The following DLGAP2 variants were observed in gnomAD, a reference collection of about 807,000 sequenced individuals.
The protein encoded by DLGAP2 is disks large-associated protein 2.
DLGAP2 carries 26 observed loss-of-function variants against 100.3 expected under a neutral mutation model. The observed-to-expected ratio is 0.26, with a 90% CI of 0.19 to 0.36. DLGAP2 has a LOEUF of 0.36. Among genes scored for constraint, DLGAP2 ranks in the 10% least tolerant of loss-of-function variants. The probability of loss-of-function intolerance (pLI) is 1.00; values close to 1 mark genes in which losing one functional copy is unlikely to be tolerated. For missense variants in DLGAP2, 1,858 were observed against 1,453.2 expected, an observed-to-expected ratio of 1.28 and a Z score of -4.53; for synonymous variants, 886 against 630.1, an observed-to-expected ratio of 1.41 and a Z score of -6.08.
At chr8:790,529 C>T (rs898225497) in intron 1 of DLGAP2, among the ~76,000 whole-genome samples, 3 of 152,082 alleles carry the variant, frequency 2.0e-5, no homozygotes, top group Non-Finnish European at 2.9e-5. Flanking sequence ...GGAGAGAAAC[C>T]TGGAGAAAGG....
chr8:1,193,794 C>T (rs1172415396), intron 2 of DLGAP2, among the ~76,000 whole-genome samples: 1 of 151,988 alleles, frequency 6.6e-6, no homozygotes, highest in Non-Finnish European at 1.5e-5. Flanking sequence ...CCGCACCATG[C>T]CCCCTGCAGC....
At chr8:968,556 C>T (rs779302045) in intron 2 of DLGAP2, among the ~76,000 whole-genome samples, 1 of 152,228 alleles carries the variant, frequency 6.6e-6, no homozygotes, top group South Asian at 2.1e-4. Flanking sequence ...CTGTTCCATA[C>T]TAGCCTCCCC....
At chr8:1,124,628 A>C (rs557167976) in intron 2 of DLGAP2, among the ~76,000 whole-genome samples, 3 of 152,378 alleles carry the variant, frequency 2.0e-5, no homozygotes, top group Admixed American at 1.3e-4. Context: ...AAGAAAGCCA[A>C]GCAGCTGAAA....
intron 3 of DLGAP2, among the ~76,000 whole-genome samples, chr8:1,491,059 T>A (rs55985052): frequency 0.61 from 47,370 of 78,054 alleles, 12,426 homozygotes; most frequent in Middle Eastern, 0.68. Context: ...ATAAAATAAA[T>A]AAAAATAAAC....
At chr8:1,653,486 A>G (rs1198312186) in intron 8 of DLGAP2, among the ~76,000 whole-genome samples, 2 of 152,210 alleles carry the variant, frequency 1.3e-5, no homozygotes, top group Admixed American at 1.3e-4. Flanking sequence ...CAGCTAGCTC[A>G]AACTGATGCT....
rs570555147 is a variant in DLGAP2, at chr8:1,483,605, G to C, written c.107-17761G>C. Among the ~76,000 whole-genome samples the C allele has an allele frequency of 1.7e-3, 225 of 135,946 alleles. 27 individuals are homozygous for C. The highest frequency in any genetic ancestry group is 7.8e-3 in the African/African-American group (214 of 27,610). 89.2% of individuals were successfully genotyped at this position (135,946 alleles called of 152,430 possible). On this transcript the variant is annotated intron_variant, in intron 3 of 14. Coordinates refer to ENST00000637795, the MANE Select transcript of DLGAP2 (RefSeq NM_001346810.2). ...GCAGGCGCAGAACGTGAGGACAAGG[G>C]AAGGCTGAACTGCTGTGCAGGAGGC...
intron 2 of DLGAP2, among the ~76,000 whole-genome samples, chr8:1,094,081 G>A (rs1348569003): frequency 2.6e-5 from 4 of 152,044 alleles, no homozygotes; most frequent in Non-Finnish European, 2.9e-5. Flanking sequence ...CGAGGTGGGC[G>A]GAGGGCAGCT....
chr8:1,284,633 ATTATTG>A (rs1250355449), intron 3 of DLGAP2, among the ~76,000 whole-genome samples: 2 of 151,966 alleles, frequency 1.3e-5, no homozygotes, highest in Non-Finnish European at 2.9e-5. Flanking sequence ...ATTCTTTATT[ATTATTG>A]TTATTATTAT....
chr8:1,476,876 G>A lies in DLGAP2; in HGVS notation c.107-24490G>A, dbSNP rs528441730. On this transcript the variant is annotated intron_variant, in intron 3 of 14. Transcript: ENST00000637795. ...CCACCCGTGATGGCCGAGTGCTGTCGGCCAACCCACCAGCCCCTTCTGCAG... is the reference window on the plus strand; with the variant it reads ...CCACCCGTGATGGCCGAGTGCTGTCAGCCAACCCACCAGCCCCTTCTGCAG... 6.3e-5 allele frequency among the ~76,000 whole-genome samples: 9 copies of A among 143,176 alleles called. No individual in the cohort carries two copies. The South Asian group carries it at 9.0e-4, about 14-fold the overall frequency. 93.9% of individuals were successfully genotyped at this position (143,176 alleles called of 152,430 possible).
chr8:1,112,820 G>T (rs970262729), intron 2 of DLGAP2, among the ~76,000 whole-genome samples: 11 of 152,096 alleles, frequency 7.2e-5, no homozygotes, highest in African/African-American at 2.7e-4. Flanking sequence ...TGTCTCCCAG[G>T]GTTTTTATAA....
At chr8:1,598,444 A>C (rs978049446) in intron 6 of DLGAP2, among the ~76,000 whole-genome samples, 11 of 152,172 alleles carry the variant, frequency 7.2e-5, no homozygotes, top group Non-Finnish European at 1.5e-4. Context: ...GAATGGTACC[A>C]GCTCCTCTTT....
chr8:1,308,937 A>G (rs1025294068), intron 3 of DLGAP2, among the ~76,000 whole-genome samples: 2 of 151,330 alleles, frequency 1.3e-5, no homozygotes, highest in African/African-American at 4.8e-5. Flanking sequence ...TAAAGAAAAC[A>G]GCAGACATTC....
chr8:1,414,065 C>T (rs545851478), intron 3 of DLGAP2, among the ~76,000 whole-genome samples: 7 of 152,192 alleles, frequency 4.6e-5, no homozygotes, highest in South Asian at 2.1e-4. Context: ...GCTTTTTCCT[C>T]TGCTGTTAGT....
At chr8:1,605,170 C>T (rs778040231) in intron 6 of DLGAP2, among the ~76,000 whole-genome samples, 8 of 152,094 alleles carry the variant, frequency 5.3e-5, no homozygotes, top group African/African-American at 7.2e-5. Flanking sequence ...GAGCAACATC[C>T]GTGACTTACC....
At chr8:1,336,213 C>G (rs542225821) in intron 3 of DLGAP2, among the ~76,000 whole-genome samples, 3 of 152,198 alleles carry the variant, frequency 2.0e-5, no homozygotes, top group African/African-American at 4.8e-5. Flanking sequence ...TTGAATGTAA[C>G]TATTTTTGTT....
In DLGAP2 at chr8:1,253,323, A is replaced by T. The variant is rs377519790; in HGVS notation, c.74-5528A>T. On this transcript the variant is annotated intron_variant, in intron 2 of 14. Transcript: ENST00000637795. ...CCAGGAGAGCTGCCAGGGCCCCTTTATCTCCCGGCTCCATCGGCTGCTACT... is the reference window on the plus strand; with the variant it reads ...CCAGGAGAGCTGCCAGGGCCCCTTTTTCTCCCGGCTCCATCGGCTGCTACT... 1.5e-3 allele frequency among the ~76,000 whole-genome samples: 225 copies of T among 152,080 alleles called. 1 individual carries two copies. The highest frequency in any genetic ancestry group is 5.2e-3 in the African/African-American group (214 of 41,496).
chr8:1,533,472 T>G lies in DLGAP2; in HGVS notation c.173-15154T>G, dbSNP rs145718017. On this transcript the variant is annotated intron_variant, in intron 4 of 14. Coordinates refer to ENST00000637795, the MANE Select transcript of DLGAP2 (RefSeq NM_001346810.2). ...AGTGAGCCGAGATCGCGCCACTGCA[T>G]TCCAGCCTGGGCGAAAGAGTGAGAC... Among the ~76,000 whole-genome samples the G allele has an allele frequency of 3.0e-3, 453 of 152,000 alleles. 1 individual carries two copies. The highest frequency in any genetic ancestry group is 5.5e-3 in the Non-Finnish European group (374 of 67,982).
chr8:907,429 G>A (rs977946453), intron 1 of DLGAP2, among the ~76,000 whole-genome samples: 5 of 152,154 alleles, frequency 3.3e-5, no homozygotes, highest in African/African-American at 1.2e-4. Context: ...TACTACTGAA[G>A]TATGAATGTA....
At chr8:773,169 C>T (rs538960054) in intron 1 of DLGAP2, among the ~76,000 whole-genome samples, 213 of 152,284 alleles carry the variant, frequency 1.4e-3, no homozygotes, top group South Asian at 5.8e-3. Context: ...CCAGTCAATG[C>T]GTCAGCAGGG....
Sources: allele counts gnomAD v4.1 joint callset (sites outside exome capture counted in the v4.1 genomes callset), GRCh38; gene constraint gnomAD v4.1.1; transcripts MANE v1.5; gene names NCBI Gene and HGNC (gene_info 2026-07-23, HGNC 2026-07-21).